EGFL7: variants seen among roughly 807,000 people sequenced by gnomAD.
The protein encoded by EGFL7 is EGF like domain multiple 7.
In EGFL7, 48 loss-of-function variants were observed where a neutral mutation model predicts 37.1. The ratio of observed to expected loss-of-function variants is 1.29; its 90% CI spans 1.03 to 1.65. The LOEUF (loss-of-function observed/expected upper bound fraction) is 1.65. Among genes scored for constraint, EGFL7 ranks in the 40% most tolerant of loss-of-function variants. The probability of loss-of-function intolerance (pLI) is 0.00; values close to 1 mark genes in which losing one functional copy is unlikely to be tolerated. For missense variants in EGFL7, 384 were observed against 378.9 expected (o/e 1.01, Z -0.11); for synonymous variants, 180 against 156.8 (o/e 1.15, Z -1.10).
Position 136,670,390 on chromosome 9 carries a change from T to C in EGFL7, c.571+60T>C. ...CGGGCAGGCAGTGGACATTGCCGTGTGGCTGTTAGGCATGGTGGGGGGCAC... is the reference window on the plus strand; with the variant it reads ...CGGGCAGGCAGTGGACATTGCCGTGCGGCTGTTAGGCATGGTGGGGGGCAC... On this transcript the variant is annotated intron_variant, in intron 8 of 10. Transcript: ENST00000308874. 5 of 1,487,996 alleles carry C rather than the reference T, an allele frequency of 3.4e-6. No homozygotes were observed. The South Asian group carries it at 6.5e-5, about 19-fold the overall frequency. The allele number at this position is 1,487,996 out of a possible 1,614,324, so 92.2% of individuals were successfully genotyped here. A position where few individuals can be genotyped will look rare whatever the true frequency, so the allele number is the denominator to read the frequency against.
chr9:136,662,162 C>T (rs992322624), upstream of EGFL7, among the ~76,000 whole-genome samples: 46 of 152,350 alleles, frequency 3.0e-4, no homozygotes, highest in Middle Eastern at 3.4e-3. Flanking sequence ...TCCCTCCCCA[C>T]ACCCCCGGCC....
intron 3 of EGFL7, among the ~76,000 whole-genome samples, chr9:136,665,994 C>T (rs1195389283): frequency 3.4e-5 from 5 of 145,692 alleles, no homozygotes; most frequent in African/African-American, 4.9e-5. Flanking sequence ...CGGGCCGGGG[C>T]GCCCGCGGCT....
In EGFL7 at chr9:136,668,648, G is replaced by A. The variant is rs1315871845; in HGVS notation, c.172G>A (p.Gly58Arg). Residue 58 changes from glycine (G) to arginine (R), a missense_variant, in exon 5 of 11, where the codon GGG becomes AGG. By Grantham distance (125) the Gly-to-Arg change is moderately radical. Coordinates refer to ENST00000308874, the MANE Select transcript of EGFL7 (RefSeq NM_016215.5). ...CCAGCCCTTCCTCACCACCTGCGAC[G>A]GGCACCGGGCCTGCAGCACCTACCG... The part of the protein sequence containing the change: ...VYQPFLTTCD[G>R]HRACSTYRTI... 8.1e-6 allele frequency: 13 copies of A among 1,604,072 alleles called. No homozygotes were observed. The highest frequency in any genetic ancestry group is 2.7e-5 in the African/African-American group (2 of 74,862).
chr9:136,672,369 A>G lies in EGFL7; in HGVS notation c.*83A>G. On this transcript the variant is annotated 3_prime_UTR_variant, in exon 11 of 11. Coordinates refer to ENST00000308874, the MANE Select transcript of EGFL7 (RefSeq NM_016215.5). ...CCTGCCCAACATGCTGGGGGTCCAG[A>G]AACCACCTCGGGGTGACTGAGCGGA... The G allele has an allele frequency of 1.3e-6, 2 of 1,584,858 alleles. No individual in the cohort carries two copies. Among genetic ancestry groups the G allele is most frequent in the Non-Finnish European group, 1.7e-6 (2 of 1,155,484 alleles).
chr9:136,665,420 G>C (rs1264274892), intron 3 of EGFL7, among the ~76,000 whole-genome samples: 1 of 152,338 alleles, frequency 6.6e-6, no homozygotes, highest in East Asian at 1.9e-4. Flanking sequence ...TTCAGCCTGG[G>C]GGGCTTGAAA....
intron 5 of EGFL7, among the ~76,000 whole-genome samples, chr9:136,669,161 CCT>C (rs1845673844): frequency 6.6e-6 from 1 of 152,204 alleles, no homozygotes; most frequent in Non-Finnish European, 1.5e-5. Flanking sequence ...GTCTCAGAGT[CCT>C]CCTTCCTGGG....
chr9:136,671,787 C>G (rs746045741), intron 9 of EGFL7, 139 bp from the exon 10 acceptor site: 3 of 1,184,568 alleles, frequency 2.5e-6, no homozygotes, highest in Non-Finnish European at 3.4e-6. Flanking sequence ...CGGCAGCCCC[C>G]TCTAGTGGAC....
Position 136,669,517 on chromosome 9 carries a change from C to T in EGFL7, c.198-89C>T, listed in dbSNP as rs928574517. On this transcript the variant is annotated intron_variant, in intron 5 of 10. Coordinates refer to ENST00000308874, the MANE Select transcript of EGFL7 (RefSeq NM_016215.5). The stretch of plus-strand genomic sequence containing the variant: ...CCCTTGGGGGCATGCTGGGGTGACC[C>T]TGTGCACTCTGAGAGGGGACTCTAG... 95 of 931,998 alleles carry T rather than the reference C, an allele frequency of 1.0e-4. No homozygotes were observed. The East Asian group carries it at 2.4e-3, about 24-fold the overall frequency. 57.7% of individuals were successfully genotyped at this position (931,998 alleles called of 1,614,324 possible). A position where few individuals can be genotyped will look rare whatever the true frequency, so the allele number is the denominator to read the frequency against.
rs1845494293 is a variant in EGFL7, at chr9:136,666,600, C to T, written c.-42-1641C>T. 6.6e-6 allele frequency among the ~76,000 whole-genome samples: 1 copy of T among 152,064 alleles called. No individual in the cohort carries two copies. Among genetic ancestry groups the T allele is most frequent in the Non-Finnish European group, 1.5e-5 (1 of 67,978 alleles). ...TTGAGTCTCCACTTAGCACCGCTTCCTGTCCAGGCGACTCTCAGGAATTGT... is the reference window on the plus strand; with the variant it reads ...TTGAGTCTCCACTTAGCACCGCTTCTTGTCCAGGCGACTCTCAGGAATTGT... On this transcript the variant is annotated intron_variant, in intron 3 of 10. Coordinates refer to ENST00000308874, the MANE Select transcript of EGFL7 (RefSeq NM_016215.5). The surrounding 1 kb of genome is among the most constrained non-coding windows in gnomAD (Gnocchi z 6.8).
Position 136,668,725 on chromosome 9 carries a change from C to G in EGFL7, c.197+52C>G, listed in dbSNP as rs1422387751. The G allele has an allele frequency of 2.1e-6, 3 of 1,439,982 alleles. No homozygotes were observed. In the Admixed American group the frequency reaches 5.0e-5, roughly 24 times the overall value. The allele number at this position is 1,439,982 out of a possible 1,614,324, so 89.2% of individuals were successfully genotyped here. ...CCCAGCCCCAGCCTCCCAAGTCGGC[C>G]ACACATCAGCATGTCAGGGGCGAGG... is the stretch of plus-strand genomic sequence containing the variant. On this transcript the variant is annotated intron_variant, in intron 5 of 10. Coordinates refer to ENST00000308874, the MANE Select transcript of EGFL7 (RefSeq NM_016215.5).
chr9:136,668,165 G>C, intron 3 of EGFL7, 76 bp from the exon 4 acceptor site: 5 of 828,858 alleles, frequency 6.0e-6, no homozygotes, highest in Non-Finnish European at 9.4e-6. Context: ...GGCAGGCCTC[G>C]CGGAGCAAGT....
In EGFL7 at chr9:136,669,618, G is replaced by A; in HGVS notation, c.210G>A (p.Arg70=). ...RACSTYRTIY[R]TAYRRSPGLA... ...ACCCACCCCACAGAACCATCTATAG[G>A]ACCGCCTACCGCCGCAGCCCTGGGC... The change falls in exon 6 of 11, where the codon AGG becomes AGA. Residue 70 remains arginine, a synonymous_variant. Transcript: ENST00000308874. 1 of 1,610,860 alleles carries A rather than the reference G, an allele frequency of 6.2e-7. No homozygotes were observed. The highest frequency in any genetic ancestry group is 8.5e-7 in the Non-Finnish European group (1 of 1,179,274).
chr9:136,668,665 C>A lies in EGFL7; in HGVS notation c.189C>A (p.Ser63Arg). 1 of 1,601,910 alleles carries A rather than the reference C, an allele frequency of 6.2e-7. No individual in the cohort carries two copies. The highest frequency in any genetic ancestry group is 1.7e-4 in the Middle Eastern group (1 of 6,050). ...LTTCDGHRACSTYRTIYRTAY... is the reference protein window; with the variant it reads ...LTTCDGHRACRTYRTIYRTAY... ...CCTGCGACGGGCACCGGGCCTGCAG[C>A]ACCTACCGGTGAGTGCCCCACCACA... Residue 63 changes from serine (S) to arginine (R), a missense_variant, in exon 5 of 11, where the codon AGC (serine) becomes AGA (arginine). By Grantham distance (110) the Ser-to-Arg change is moderately radical (BLOSUM62 -1). Coordinates refer to ENST00000308874, the MANE Select transcript of EGFL7 (RefSeq NM_016215.5).
Position 136,670,159 on chromosome 9 carries a change from T to A in EGFL7, c.410-10T>A. On this transcript the variant is annotated splice_polypyrimidine_tract_variant and intron_variant, in intron 7 of 10. Coordinates refer to ENST00000308874, the MANE Select transcript of EGFL7 (RefSeq NM_016215.5). ...GCAGGCATGGCCGCCTGACACCCCG[T>A]TTCCTGCAGATGTGGATGAATGCAG... 1 of 1,612,640 alleles carries A rather than the reference T, an allele frequency of 6.2e-7. No homozygotes were observed. Among genetic ancestry groups the A allele is most frequent in the Non-Finnish European group, 8.5e-7 (1 of 1,179,880 alleles).
rs1348950975 is a variant in EGFL7 at position 136,668,431 on chromosome 9, G to A, written c.80+69G>A. ...GGAGCCCTCAGCACCTCCTAGAGGC[G>A]GCCCTCAGCACCTGTCGGGGACTCC... On this transcript the variant is annotated intron_variant, in intron 4 of 10. Coordinates refer to ENST00000308874, the MANE Select transcript of EGFL7 (RefSeq NM_016215.5). 30 of 1,515,866 alleles carry A rather than the reference G, an allele frequency of 2.0e-5. No homozygotes were observed. In the Middle Eastern group the frequency reaches 5.4e-4, roughly 27 times the overall value. 93.9% of individuals were successfully genotyped at this position (1,515,866 alleles called of 1,614,324 possible). A position where few individuals can be genotyped will look rare whatever the true frequency, so the allele number is the denominator to read the frequency against.
upstream of EGFL7, among the ~76,000 whole-genome samples, chr9:136,662,441 G>A (rs1196375667): frequency 6.6e-6 from 1 of 152,206 alleles, no homozygotes; most frequent in East Asian, 1.9e-4. Flanking sequence ...ACTGGTCAAG[G>A]CTCCTGTGTG....
chr9:136,662,422 C>T (rs1845205330), upstream of EGFL7, among the ~76,000 whole-genome samples: 2 of 152,238 alleles, frequency 1.3e-5, no homozygotes, highest in Non-Finnish European at 1.5e-5. Context: ...TCGCCACTCG[C>T]CATCCCTCAC....
chr9:136,666,553 G>A lies in EGFL7; in HGVS notation c.-42-1688G>A, dbSNP rs1356596335. On this transcript the variant is annotated intron_variant, in intron 3 of 10. Coordinates refer to ENST00000308874, the MANE Select transcript of EGFL7 (RefSeq NM_016215.5). This position sits in a 1 kb window ranked among gnomAD's most constrained non-coding sequence, Gnocchi z 6.8. ...AGCACCACGGGCTTCCTCTGGCCTC[G>A]GGAAAACATGACTTTCAAAAATTGA... Among the ~76,000 whole-genome samples, 1 of 152,098 alleles carries A rather than the reference G, an allele frequency of 6.6e-6. No individual in the cohort carries two copies. Among genetic ancestry groups the A allele is most frequent in the African/African-American group, 2.4e-5 (1 of 41,428 alleles).
rs766345430 is a variant in EGFL7 at position 136,670,034 on chromosome 9, GC to G, written c.409+28del. 9.5e-6 allele frequency: 15 copies of G among 1,586,008 alleles called. No homozygotes were observed. In the African/African-American group the frequency reaches 1.3e-4, roughly 14 times the overall value. The stretch of plus-strand genomic sequence containing the variant: ...GGTGAGGCTGGCTCTACCCTGGGGG[GC>G]CCTGGAAGGGTCCTGGGCACCTCCT... On this transcript the variant is annotated intron_variant, in intron 7 of 10. Coordinates refer to ENST00000308874, the MANE Select transcript of EGFL7 (RefSeq NM_016215.5).
Sources: allele counts gnomAD v4.1 joint callset (sites outside exome capture counted in the v4.1 genomes callset), GRCh38; gene constraint gnomAD v4.1.1; non-coding constraint Gnocchi (gnomAD v3.1); transcripts MANE v1.5; gene names NCBI Gene and HGNC (gene_info 2026-07-23, HGNC 2026-07-21).